Variants in ECT2L observed in about 807,000 individuals in gnomAD.
ECT2L encodes epithelial cell transforming 2 like.
ECT2L carries 126 observed loss-of-function variants against 122.8 expected under a neutral mutation model. The observed-to-expected ratio is 1.03, with a 90% confidence interval of 0.89 to 1.19. The LOEUF (loss-of-function observed/expected upper bound fraction) is 1.19, where lower values mean the gene tolerates loss of function less well. ECT2L is among the 50% of genes most tolerant of loss of function. ECT2L has a pLI of 0.00. For synonymous variants in ECT2L, 385 were observed against 381.8 expected, an observed-to-expected ratio of 1.01 and a Z score of -0.10; for missense variants, 1,012 against 1,064.1, an observed-to-expected ratio of 0.95 and a Z score of 0.68.
At position 138,849,328 on chromosome 6, in the gene ECT2L, C is replaced by T. The variant is rs372256001; in HGVS notation, c.963C>T (p.Thr321=). 4.3e-5 allele frequency: 70 copies of T among 1,613,932 alleles called. No homozygotes were observed. The highest frequency in any genetic ancestry group is 5.8e-5 in the Non-Finnish European group (68 of 1,180,004). Residue 321 remains threonine (T), a synonymous_variant, in exon 9 of 22, where the codon ACC becomes ACT. Transcript: ENST00000541398. ...CTGTGGTATATGAACACAGCGTAAC[C>T]TTGGAAAGCCTTCTGTATCTTATAG... ...VVSVVYEHSV[T]LESLLYLIEK... is the part of the protein sequence containing the mutation.
chr6:138,888,317 CTTTTTTTTTTTT>C (rs71270363), intron 19 of ECT2L, among the ~76,000 whole-genome samples: 1 of 128,644 alleles, frequency 7.8e-6, no homozygotes, highest in Non-Finnish European at 1.6e-5. Context: ...TTTTTCTTTT[CTTTTTTTTTTTT>C]TTTTTGAGAT....
chr6:138,821,668 T>G (rs1315199728), intron 4 of ECT2L, among the ~76,000 whole-genome samples: 1 of 152,244 alleles, frequency 6.6e-6, no homozygotes, highest in Admixed American at 6.5e-5. Flanking sequence ...GCTAGTTTCT[T>G]CATTTAGCAT....
At position 138,831,224 on chromosome 6, in the gene ECT2L, TATGGCC is replaced by T. The variant is rs1003641733; in HGVS notation, c.180-7121_180-7116del. Among the ~76,000 whole-genome samples the T allele has an allele frequency of 2.9e-3, 440 of 152,384 alleles. 3 individuals are homozygous for T. The highest frequency in any genetic ancestry group is 0.01 in the African/African-American group (418 of 41,598). ...CATTATTTCTGGCCTGGGCTATGGC[TATGGCC>T]ATGGCCTTCTAATTGGTCTCCCCAT... On this transcript the variant is annotated intron_variant, in intron 4 of 21. Transcript: ENST00000541398.
Position 138,849,395 on chromosome 6 carries a change from T to C in ECT2L, c.1030T>C (p.Phe344Leu), listed in dbSNP as rs1157401072. ...GCAGAAGGCACAGAGCATCGGAATA[T>C]TTAGCGATGGAGACAGCAGAGAAAT... ...DGQKAQSIGI[F>L]SDGDSREINL... The change falls in exon 9 of 22, where the codon TTT (phenylalanine) becomes CTT (leucine). Residue 344 changes from phenylalanine to leucine, a missense_variant. By Grantham distance (22) the Phe-to-Leu change is conservative (BLOSUM62 0). Coordinates refer to ENST00000541398, the MANE Select transcript of ECT2L (RefSeq NM_001077706.3). The C allele has an allele frequency of 6.2e-7, 1 of 1,613,758 alleles. No individual in the cohort carries two copies. The highest frequency in any genetic ancestry group is 1.1e-5 in the South Asian group (1 of 91,012).
intron 10 of ECT2L, among the ~76,000 whole-genome samples, chr6:138,855,573 T>A (rs764914859): frequency 4.6e-5 from 7 of 152,182 alleles, no homozygotes; most frequent in African/African-American, 9.7e-5. Context: ...TAACAGCACC[T>A]ATTTCTAGAT....
chr6:138,901,061 A>G lies in ECT2L; in HGVS notation c.2528A>G (p.Gln843Arg). 1 of 1,614,174 alleles carries G rather than the reference A, an allele frequency of 6.2e-7. No homozygotes were observed. The highest frequency in any genetic ancestry group is 1.1e-5 in the South Asian group (1 of 91,080). ...GAGAGGACTTCAAAAACAACCTACC[A>G]GTTCATTGCATCAGTGGCCCTTCAT... ...PFERTSKTTY[Q>R]FIASVALHRL... is the part of the protein sequence containing the mutation. Residue 843 changes from glutamine (Q) to arginine (R), a missense_variant, in exon 21 of 22, where the codon CAG (glutamine) becomes CGG (arginine). Gln to Arg is a conservative substitution (Grantham distance 43). Coordinates refer to ENST00000541398, the MANE Select transcript of ECT2L (RefSeq NM_001077706.3).
intron 8 of ECT2L, among the ~76,000 whole-genome samples, 165 bp downstream of exon 8, chr6:138,846,842 G>A (rs1028324552): frequency 6.6e-6 from 1 of 151,500 alleles, no homozygotes; most frequent in Non-Finnish European, 1.5e-5. Flanking sequence ...ACTAACTGTA[G>A]TCCCAGCTAC....
rs568016767 is a variant in ECT2L, at chr6:138,843,133, C to T, written c.497C>T (p.Thr166Met). 3.5e-5 allele frequency: 56 copies of T among 1,613,970 alleles called. No homozygotes were observed. In the East Asian group the frequency reaches 4.7e-4, roughly 13 times the overall value. ...TPREAAATYG[T>M]LNEPKTEDEE... Reference sequence around the variant, plus strand: ...AGGGAGGCTGCTGCTACTTATGGGACGCTGAATGAACCCAAAACAGAAGAT... The same window carrying T: ...AGGGAGGCTGCTGCTACTTATGGGATGCTGAATGAACCCAAAACAGAAGAT... The change falls in exon 6 of 22, where the codon ACG (threonine) becomes ATG (methionine). Residue 166 changes from threonine (T) to methionine (M), a missense_variant. By Grantham distance (81) the Thr-to-Met change is moderately conservative. Transcript: ENST00000541398.
At chr6:138,829,186 T>C (rs1481845418) in intron 4 of ECT2L, among the ~76,000 whole-genome samples, 1 of 152,112 alleles carries the variant, frequency 6.6e-6, no homozygotes, top group African/African-American at 2.4e-5. Context: ...TTCTTTCTGG[T>C]GTGAGAAAAC....
At chr6:138,844,238 A>G (rs1006852094) in intron 6 of ECT2L, among the ~76,000 whole-genome samples, 174 bp from the exon 7 acceptor site, 14 of 152,244 alleles carry the variant, frequency 9.2e-5, no homozygotes, top group African/African-American at 3.4e-4. Flanking sequence ...GGTAGCTCAC[A>G]GCCACAGTGC....
rs370530953 is a variant in ECT2L at position 138,863,667 on chromosome 6, C to T, written c.1291+948C>T. On this transcript the variant is annotated intron_variant, in intron 11 of 21. Coordinates refer to ENST00000541398, the MANE Select transcript of ECT2L (RefSeq NM_001077706.3). Reference sequence around the variant, plus strand: ...ACACTGTTGCCAGGCTGGAGTGCAGCGGCACGTTCTCGATCTAGGCTCACT... The same window carrying T: ...ACACTGTTGCCAGGCTGGAGTGCAGTGGCACGTTCTCGATCTAGGCTCACT... Among the ~76,000 whole-genome samples, 16 of 151,034 alleles carry T rather than the reference C, an allele frequency of 1.1e-4. No individual in the cohort carries two copies. In the South Asian group the frequency reaches 1.3e-3, roughly 12 times the overall value.
intron 20 of ECT2L, among the ~76,000 whole-genome samples, chr6:138,889,681 TG>T (rs1778951879): frequency 6.6e-6 from 1 of 152,168 alleles, no homozygotes; most frequent in African/African-American, 2.4e-5. Context: ...TCTGCTCAAA[TG>T]TAAGAAAGAG....
intron 5 of ECT2L, 63 bp from the exon 6 acceptor site, chr6:138,842,916 A>C: frequency 7.3e-7 from 1 of 1,376,552 alleles, no homozygotes; most frequent in South Asian, 2.4e-5. Context: ...TGTACCTGAA[A>C]ATATTATTGC....
At chr6:138,862,596 G>A in intron 10 of ECT2L, 31 bp from the exon 11 acceptor site, 1 of 1,590,556 alleles carries the variant, frequency 6.3e-7, no homozygotes, top group Non-Finnish European at 8.6e-7. Context: ...AATATATGAG[G>A]AAACTAACGA....
At chr6:138,830,902 C>T (rs1352819589) in intron 4 of ECT2L, among the ~76,000 whole-genome samples, 1 of 152,156 alleles carries the variant, frequency 6.6e-6, no homozygotes, top group African/African-American at 2.4e-5. Flanking sequence ...AGTGATCAGG[C>T]CATTTTTATC....
intron 16 of ECT2L, among the ~76,000 whole-genome samples, chr6:138,883,986 A>G (rs1166541294): frequency 6.6e-6 from 1 of 152,084 alleles, no homozygotes; most frequent in Non-Finnish European, 1.5e-5. Context: ...ACCTCAGCCT[A>G]CCAAGTATCT....
chr6:138,836,392 G>A lies in ECT2L; in HGVS notation c.180-1960G>A, dbSNP rs1478115915. On this transcript the variant is annotated intron_variant, in intron 4 of 21. Coordinates refer to ENST00000541398, the MANE Select transcript of ECT2L (RefSeq NM_001077706.3). ...CAACCTCCACCTCCCATGTTCAAGC[G>A]ATTCTCCTGCCTCAGCCTCCTGAGT... Among the ~76,000 whole-genome samples, 9 of 150,410 alleles carry A rather than the reference G, an allele frequency of 6.0e-5. No homozygotes were observed. In the East Asian group the frequency reaches 9.8e-4, roughly 16 times the overall value.
intron 13 of ECT2L, among the ~76,000 whole-genome samples, chr6:138,875,626 T>G (rs751290713): frequency 6.6e-6 from 1 of 152,180 alleles, no homozygotes; most frequent in East Asian, 1.9e-4. Flanking sequence ...ACAGCAAGAA[T>G]AGTTAACAAG....
intron 1 of ECT2L, among the ~76,000 whole-genome samples, chr6:138,811,082 A>G (rs1373945676): frequency 1.3e-5 from 2 of 152,214 alleles, no homozygotes; most frequent in Non-Finnish European, 2.9e-5. Flanking sequence ...AGCAGTATAT[A>G]GCAAAAGTGA....
Sources: allele counts gnomAD v4.1 joint callset (sites outside exome capture counted in the v4.1 genomes callset), GRCh38; gene constraint gnomAD v4.1.1; transcripts MANE v1.5; gene names NCBI Gene and HGNC (gene_info 2026-07-23, HGNC 2026-07-21).